KCNJ16: variants seen among roughly 807,000 people sequenced by gnomAD.
KCNJ16 encodes inward rectifier potassium channel 16.
A neutral mutation model predicts 18.5 loss-of-function variants in KCNJ16; 15 were observed. The ratio of observed to expected loss-of-function variants is 0.81; its 90% CI spans 0.54 to 1.25. The LOEUF (loss-of-function observed/expected upper bound fraction) is 1.25. Ranked by LOEUF, KCNJ16 falls within the 50% of genes most tolerant of loss-of-function variation. The pLI is 0.00. For synonymous variants in KCNJ16, 174 were observed against 186.5 expected (o/e 0.93, Z 0.55); for missense variants, 523 against 525.7 (o/e 0.99, Z 0.05).
chr17:70,078,348 T>G (rs2071404795), intron 1 of KCNJ16, among the ~76,000 whole-genome samples: 2 of 48,606 alleles, frequency 4.1e-5, no homozygotes, highest in Non-Finnish European at 8.7e-5. Context: ...ATCCAACAAC[T>G]CCGCATAAAA....
At chr17:70,128,701 G>C (rs976978126) in intron 2 of KCNJ16, 1 of 152,216 alleles carries the variant, frequency 6.6e-6, no homozygotes, top group Non-Finnish European at 1.5e-5. Context: ...ATAGTTGATA[G>C]TAATTTTCAT....
intron 2 of KCNJ16, among the ~76,000 whole-genome samples, chr17:70,107,480 AT>A (rs887239123): frequency 3.3e-3 from 497 of 151,272 alleles, no homozygotes; most frequent in African/African-American, 0.011. Context: ...GCTGAGTTGT[AT>A]TTTTTTTTCA....
intron 2 of KCNJ16, chr17:70,128,624 A>C (rs1161951114): frequency 6.6e-6 from 1 of 152,224 alleles, no homozygotes. Context: ...TCATTATTAT[A>C]TGTCAGAATA....
chr17:70,125,111 A>T (rs1015495025), intron 2 of KCNJ16, among the ~76,000 whole-genome samples: 1 of 151,848 alleles, frequency 6.6e-6, no homozygotes, highest in African/African-American at 2.4e-5. Context: ...AAAAATAAAT[A>T]AAAAATTAGC....
At chr17:70,094,181 A>T (rs537197206) in intron 1 of KCNJ16, among the ~76,000 whole-genome samples, 1 of 152,344 alleles carries the variant, frequency 6.6e-6, no homozygotes, top group East Asian at 1.9e-4. Flanking sequence ...TTCACAGCCT[A>T]AAGAGAAATA....
At chr17:70,084,353 A>C (rs954153907) in intron 1 of KCNJ16, among the ~76,000 whole-genome samples, 17 of 152,190 alleles carry the variant, frequency 1.1e-4, no homozygotes, top group Non-Finnish European at 1.3e-4. Context: ...GACATTGAAG[A>C]GTCCATTAAG....
intron 1 of KCNJ16, among the ~76,000 whole-genome samples, chr17:70,078,978 A>T (rs2071431344): frequency 6.6e-6 from 1 of 152,168 alleles, no homozygotes. Flanking sequence ...CTCTTAAGAG[A>T]ACTCAGACAG....
intron 1 of KCNJ16, among the ~76,000 whole-genome samples, chr17:70,095,961 C>T (rs1296577390): frequency 5.6e-5 from 7 of 125,872 alleles, no homozygotes; most frequent in Non-Finnish European, 1.1e-4. Flanking sequence ...CGGCTCACTG[C>T]AAGCTCCGCC....
chr17:70,097,054 G>A (rs776929551), intron 1 of KCNJ16: 1 of 386,344 alleles, frequency 2.6e-6, no homozygotes, highest in Non-Finnish European at 4.6e-6. Context: ...ACACGATATT[G>A]TGTAAGTTTT....
intron 2 of KCNJ16, among the ~76,000 whole-genome samples, chr17:70,122,475 C>T (rs548062948): frequency 6.6e-6 from 1 of 152,252 alleles, no homozygotes; most frequent in Admixed American, 6.5e-5. Flanking sequence ...CCACGCCTGG[C>T]CAGAATACTT....
rs761395557 is a variant in KCNJ16 at position 70,133,186 on chromosome 17, A to AC, written c.1101dup (p.Lys368GlnfsTer8). On this transcript the variant is annotated frameshift_variant, in exon 4 of 4. Transcript: ENST00000392671. LOFTEE classifies it high-confidence loss of function. Reference sequence around the variant, plus strand: ...AGTTCGAGAATCCTGCACGTCGGACACCAAGGCGAGACGAAGGTCATTTAG... The same window carrying AC: ...AGTTCGAGAATCCTGCACGTCGGACACCCAAGGCGAGACGAAGGTCATTTAG... 2 of 1,614,240 alleles carry AC rather than the reference A, an allele frequency of 1.2e-6. No individual in the cohort carries two copies. The highest frequency in any genetic ancestry group is 1.7e-6 in the Non-Finnish European group (2 of 1,180,050).
chr17:70,100,969 C>T (rs1448330422), intron 2 of KCNJ16: 1 of 152,206 alleles, frequency 6.6e-6, no homozygotes, highest in Non-Finnish European at 1.5e-5. Context: ...TACACGTTTA[C>T]TGCCTCCTTA....
intron 1 of KCNJ16, among the ~76,000 whole-genome samples, chr17:70,080,019 G>C (rs2071485544): frequency 1.3e-5 from 2 of 152,174 alleles, no homozygotes; most frequent in African/African-American, 4.8e-5. Context: ...CATTGTTAAT[G>C]CTATAGCTTT....
At chr17:70,115,056 C>T (rs117972207) in intron 2 of KCNJ16, among the ~76,000 whole-genome samples, 128 of 152,252 alleles carry the variant, frequency 8.4e-4, no homozygotes, top group Non-Finnish European at 1.3e-3. Flanking sequence ...CGTGCACAGT[C>T]TTACTAGCAA....
rs767755868 is a variant in KCNJ16 at position 70,132,830 on chromosome 17, T to C, written c.743T>C (p.Val248Ala). ...LKLVNDQIIL[V>A]TPVTIVHEID... is the part of the protein sequence containing the mutation. Reference sequence around the variant, plus strand: ...TTAGTCAACGACCAAATCATCCTGGTCACCCCGGTAACTATTGTCCATGAA... The same window carrying C: ...TTAGTCAACGACCAAATCATCCTGGCCACCCCGGTAACTATTGTCCATGAA... The change falls in exon 4 of 4, where the codon GTC (valine) becomes GCC (alanine). Residue 248 changes from valine (V) to alanine (A), a missense_variant. Transcript: ENST00000392671. 6 of 1,614,044 alleles carry C rather than the reference T, an allele frequency of 3.7e-6. No individual in the cohort carries two copies. The Admixed American group carries it at 6.7e-5, about 18-fold the overall frequency.
intron 2 of KCNJ16, among the ~76,000 whole-genome samples, chr17:70,113,461 T>C (rs938537430): frequency 6.6e-6 from 1 of 152,228 alleles, no homozygotes; most frequent in African/African-American, 2.4e-5. Context: ...GAATGTTGAT[T>C]GAATTTAAAA....
chr17:70,117,655 T>C (rs1017377179), intron 2 of KCNJ16, among the ~76,000 whole-genome samples: 1 of 152,194 alleles, frequency 6.6e-6, no homozygotes, highest in African/African-American at 2.4e-5. Flanking sequence ...AACTCTCTTA[T>C]GAGTGATGAA....
At chr17:70,085,929 A>G (rs1287038747) in intron 1 of KCNJ16, among the ~76,000 whole-genome samples, 1 of 152,208 alleles carries the variant, frequency 6.6e-6, no homozygotes, top group Non-Finnish European at 1.5e-5. Context: ...AAATCTAACG[A>G]AAGTAATGTT....
At chr17:70,098,677 TTAA>T (rs952469877) in intron 1 of KCNJ16, among the ~76,000 whole-genome samples, 2 of 152,136 alleles carry the variant, frequency 1.3e-5, no homozygotes, top group Non-Finnish European at 1.5e-5. Flanking sequence ...TCATCGAAGA[TTAA>T]TTTTTTTCTG....
Sources: allele counts gnomAD v4.1 joint callset (sites outside exome capture counted in the v4.1 genomes callset), GRCh38; gene constraint gnomAD v4.1.1; transcripts MANE v1.5; gene names NCBI Gene and HGNC (gene_info 2026-07-23, HGNC 2026-07-21).